SCML2: variants seen among roughly 807,000 people sequenced by gnomAD.
The protein encoded by SCML2 is sex comb on midleg-like protein 2.
Under a neutral mutation model 48.4 loss-of-function variants are expected in SCML2, and 6 were observed. That is an observed-to-expected ratio of 0.12 (90% confidence interval 0.07 to 0.24). The LOEUF (loss-of-function observed/expected upper bound fraction) is 0.24, where lower values mean the gene tolerates loss of function less well. Ranked by LOEUF, SCML2 falls within the 10% of genes least tolerant of loss-of-function variation. SCML2 has a pLI of 1.00. For synonymous variants in SCML2, 181 were observed against 189.5 expected (o/e 0.95, Z 0.37); for missense variants, 377 against 528.2 (o/e 0.71, Z 2.81).
chrX:18,346,568 T>C (rs931787889), intron 1 of SCML2, among the ~76,000 whole-genome samples: 9 of 112,287 alleles, frequency 8.0e-5, no homozygotes, highest in African/African-American at 2.6e-4. Context: ...GAAGTTATTA[T>C]ACATACACAA....
intron 1 of SCML2, among the ~76,000 whole-genome samples, chrX:18,342,223 A>G (rs1238806050): frequency 5.4e-5 from 6 of 111,892 alleles, no homozygotes; most frequent in Non-Finnish European, 1.1e-4. Flanking sequence ...TTTTGGTTTT[A>G]AAAAAAGTTA....
chrX:18,336,607 G>T (rs1929825192), intron 1 of SCML2, among the ~76,000 whole-genome samples: 1 of 104,139 alleles, frequency 9.6e-6, no homozygotes, highest in African/African-American at 3.5e-5. Flanking sequence ...CATGGTGGCG[G>T]GCGCCTGTAG....
intron 1 of SCML2, among the ~76,000 whole-genome samples, chrX:18,347,434 A>G (rs947382401): frequency 2.8e-5 from 3 of 106,881 alleles, no homozygotes; most frequent in Non-Finnish European, 5.8e-5. Context: ...GACAAGAGTA[A>G]AATTCCATTT....
chrX:18,339,022 C>T (rs900559729), intron 1 of SCML2, among the ~76,000 whole-genome samples: 6 of 109,942 alleles, frequency 5.5e-5, no homozygotes, highest in African/African-American at 2.0e-4. Context: ...TATCCCATTC[C>T]ATCTGTCCTA....
At chrX:18,285,869 C>A (rs1402527368) in intron 7 of SCML2, among the ~76,000 whole-genome samples, 1 of 111,147 alleles carries the variant, frequency 9.0e-6, no homozygotes, top group South Asian at 3.8e-4. Context: ...CATATATTTA[C>A]AATCGGACCA....
chrX:18,343,940 AAAG>A (rs1930114203), intron 1 of SCML2, among the ~76,000 whole-genome samples: 2 of 104,580 alleles, frequency 1.9e-5, no homozygotes, highest in African/African-American at 7.0e-5. Flanking sequence ...AAAAAAAAAA[AAAG>A]AAAGAAAGAA....
At chrX:18,316,001 T>C (rs1385593094) in intron 6 of SCML2, among the ~76,000 whole-genome samples, 1 of 111,032 alleles carries the variant, frequency 9.0e-6, no homozygotes, top group Non-Finnish European at 1.9e-5. Flanking sequence ...AATAAATAAT[T>C]AGGAACCTAA....
At position 18,241,392 on chromosome X, in the gene SCML2, G is replaced by A. The variant is rs1926260017; in HGVS notation, c.1975-13C>T. 9.0e-7 allele frequency: 1 copy of A among 1,115,797 alleles called. No individual in the cohort carries two copies. The highest frequency in any genetic ancestry group is 1.2e-6 in the Non-Finnish European group (1 of 841,847). 92.0% of individuals were successfully genotyped at this position (1,115,797 alleles called of 1,213,427 possible). A position where few individuals can be genotyped will look rare whatever the true frequency, so the allele number is the denominator to read the frequency against. On this transcript the variant is annotated splice_polypyrimidine_tract_variant and intron_variant, in intron 14 of 14. Coordinates refer to ENST00000251900, the MANE Select transcript of SCML2 (RefSeq NM_006089.3). ...TCCCATCAATTTCCTACAGAGAGAA[G>A]GAAATCATAATCATTAATAATGCTT...
intron 7 of SCML2, 49 bp from the exon 8 acceptor site, chrX:18,265,851 C>A: frequency 1.1e-6 from 1 of 926,833 alleles, no homozygotes; most frequent in Non-Finnish European, 1.5e-6. Flanking sequence ...ACAATTAAGG[C>A]ATTGTCTCCT....
rs531105550 is a variant in SCML2 at position 18,338,932 on chromosome X, A to G, written c.-24-4837T>C. Reference sequence around the variant, plus strand: ...ACCCTGTCTCATTAAAAAAAAAAAAAAAGAAAGAAAAGAAAATGAGGCAGT... The same window carrying G: ...ACCCTGTCTCATTAAAAAAAAAAAAGAAGAAAGAAAAGAAAATGAGGCAGT... On this transcript the variant is annotated intron_variant, in intron 1 of 14. Coordinates refer to ENST00000251900, the MANE Select transcript of SCML2 (RefSeq NM_006089.3). Among the ~76,000 whole-genome samples, 8 of 98,150 alleles carry G rather than the reference A, an allele frequency of 8.2e-5. No homozygotes were observed. In the South Asian group the frequency reaches 2.9e-3, roughly 35 times the overall value. The allele number at this position is 98,150 out of a possible 115,157, so 85.2% of individuals were successfully genotyped here.
intron 1 of SCML2, among the ~76,000 whole-genome samples, chrX:18,345,852 C>G (rs1321846326): frequency 9.1e-6 from 1 of 109,297 alleles, no homozygotes; most frequent in Non-Finnish European, 1.9e-5. Flanking sequence ...CCTGCACACC[C>G]CCTACCCCCG....
chrX:18,260,138 T>C (rs1602084976), intron 9 of SCML2, 33 bp downstream of exon 9: 1 of 1,032,089 alleles, frequency 9.7e-7, no homozygotes, highest in Admixed American at 2.8e-5. Context: ...AAAAGATTAG[T>C]AATTCTATAC....
At chrX:18,251,067 T>C (rs1926640297) in intron 11 of SCML2, among the ~76,000 whole-genome samples, 1 of 109,907 alleles carries the variant, frequency 9.1e-6, no homozygotes, top group African/African-American at 3.3e-5. Context: ...GTCCCTCCCA[T>C]GACCTGTGGG....
chrX:18,312,358 C>A (rs1197201646), intron 6 of SCML2, among the ~76,000 whole-genome samples: 1 of 110,964 alleles, frequency 9.0e-6, no homozygotes, highest in East Asian at 2.8e-4. Context: ...TATAAAATGG[C>A]ACAGTATTTG....
At chrX:18,242,741 C>T (rs1926310655) in intron 13 of SCML2, 151 bp from the exon 14 acceptor site, 1 of 569,591 alleles carries the variant, frequency 1.8e-6, no homozygotes, top group East Asian at 3.9e-5. Context: ...AAAGCTTATA[C>T]AAAAATGATG....
chrX:18,352,575 T>C (rs1403730294), intron 1 of SCML2, among the ~76,000 whole-genome samples: 1 of 111,927 alleles, frequency 8.9e-6, no homozygotes, highest in Non-Finnish European at 1.9e-5. Flanking sequence ...TATAACTCCC[T>C]GAAATTTTCA....
At chrX:18,301,040 G>C (rs1355409487) in intron 7 of SCML2, among the ~76,000 whole-genome samples, 1 of 111,693 alleles carries the variant, frequency 9.0e-6, no homozygotes, top group Non-Finnish European at 1.9e-5. Flanking sequence ...AATAACAGTA[G>C]ATTTCTCATC....
At chrX:18,282,585 C>G (rs894460329) in intron 7 of SCML2, among the ~76,000 whole-genome samples, 5 of 111,498 alleles carry the variant, frequency 4.5e-5, no homozygotes, top group African/African-American at 1.6e-4. Context: ...TGGCAGTAAG[C>G]CAAGATCACG....
chrX:18,321,626 TG>T (rs1286851855), intron 5 of SCML2, among the ~76,000 whole-genome samples: 8 of 87,335 alleles, frequency 9.2e-5, no homozygotes, highest in South Asian at 5.4e-4. Context: ...AAAACAGGGG[TG>T]GGGGGAGATT....
Sources: allele counts gnomAD v4.1 joint callset (sites outside exome capture counted in the v4.1 genomes callset), GRCh38; gene constraint gnomAD v4.1.1; transcripts MANE v1.5; gene names NCBI Gene and HGNC (gene_info 2026-07-23, HGNC 2026-07-21).